Variants in GNL3L observed in about 807,000 individuals in gnomAD.
GNL3L encodes guanine nucleotide-binding protein-like 3-like protein.
GNL3L carries 4 observed loss-of-function variants against 42.9 expected under a neutral mutation model. That is an observed-to-expected ratio of 0.09 (90% confidence interval 0.05 to 0.21). The LOEUF is 0.21. Ranked by LOEUF, GNL3L falls within the 10% of genes least tolerant of loss-of-function variation. The probability of loss-of-function intolerance (pLI) is 1.00; values close to 1 mark genes in which losing one functional copy is unlikely to be tolerated. For missense variants in GNL3L, 412 were observed against 481.7 expected (o/e 0.86, Z 1.36); for synonymous variants, 159 against 176.3 (o/e 0.90, Z 0.78).
intron 3 of GNL3L, among the ~76,000 whole-genome samples, chrX:54,539,797 G>A (rs1240977130): frequency 9.0e-6 from 1 of 111,482 alleles, no homozygotes; most frequent in Admixed American, 9.6e-5. Flanking sequence ...TGGGCCTTGG[G>A]AAACCTTCCC....
intron 16 of GNL3L, among the ~76,000 whole-genome samples, chrX:54,604,081 G>A (rs1926031135): frequency 9.0e-6 from 1 of 111,240 alleles, no homozygotes; most frequent in Non-Finnish European, 1.9e-5. Flanking sequence ...GAGGCTACAA[G>A]TGAGCTGTGA....
intron 12 of GNL3L, 62 bp downstream of exon 12, chrX:54,552,036 C>T: frequency 3.5e-6 from 4 of 1,127,370 alleles, no homozygotes; most frequent in African/African-American, 3.6e-5. Context: ...CAAAGGGGCT[C>T]ATCTGTGCTC....
In GNL3L at chrX:54,542,971, A is replaced by C; in HGVS notation, c.323A>C (p.Glu108Ala). 5.1e-6 allele frequency: 6 copies of C among 1,185,912 alleles called. No homozygotes were observed. Among genetic ancestry groups the C allele is most frequent in the Non-Finnish European group, 6.9e-6 (6 of 872,612 alleles). ...CTCCTTTAGGAGGAAGTTTTGCAGG[A>C]ATTAAATATGTTTCCTCAGCTGGAT... ...EFEHKEEVLQ[E>A]LNMFPQLDDE... Residue 108 changes from glutamate to alanine, a missense_variant, in exon 6 of 16, where the codon GAA becomes GCA. Physicochemically the swap from Glu to Ala is moderately radical, Grantham distance 107 (BLOSUM62 -1). Transcript: ENST00000360845.
At chrX:54,611,840 T>A (rs1197278435) in intron 16 of GNL3L, among the ~76,000 whole-genome samples, 1 of 112,174 alleles carries the variant, frequency 8.9e-6, no homozygotes, top group Non-Finnish European at 1.9e-5. Flanking sequence ...TTATGGCCTA[T>A]CGTATGGTCT....
chrX:54,532,772 C>T (rs768321591), intron 2 of GNL3L, among the ~76,000 whole-genome samples, 187 bp downstream of exon 2: 1 of 111,630 alleles, frequency 9.0e-6, no homozygotes, highest in African/African-American at 3.3e-5. Context: ...GCATTTCCTG[C>T]CTCAGCCTAC....
chrX:54,551,462 TG>T, intron 10 of GNL3L, 105 bp from the exon 11 acceptor site: 1 of 637,007 alleles, frequency 1.6e-6, no homozygotes, highest in Non-Finnish European at 2.5e-6. Flanking sequence ...TCGTCTCTAA[TG>T]CACCCTCCCC....
chrX:54,602,618 A>G lies in GNL3L; in HGVS notation c.*46-18227A>G, dbSNP rs192763942. On this transcript the variant is annotated intron_variant, in intron 16 of 16. Transcript: ENST00000674498. The stretch of plus-strand genomic sequence containing the variant: ...GGGATGTCACTCCCACCATTAGGTT[A>G]TATTACATAAAACTCTTGTCTTGCT... 3.4e-3 allele frequency among the ~76,000 whole-genome samples: 375 copies of G among 111,677 alleles called. 2 individuals carry two copies. Among genetic ancestry groups the G allele is most frequent in the African/African-American group, 0.011 (348 of 30,746 alleles).
intron 16 of GNL3L, among the ~76,000 whole-genome samples, chrX:54,603,274 C>G (rs1187764268): frequency 3.6e-5 from 4 of 111,078 alleles, no homozygotes; most frequent in African/African-American, 9.8e-5. Flanking sequence ...AATAACCAAT[C>G]AATCAATGGA....
intron 16 of GNL3L, among the ~76,000 whole-genome samples, chrX:54,577,501 T>A (rs1925652761): frequency 9.0e-6 from 1 of 111,684 alleles, no homozygotes; most frequent in Admixed American, 9.6e-5. Context: ...GTCATCATGC[T>A]GTACCATAGG....
exon 17 of GNL3L, among the ~76,000 whole-genome samples, chrX:54,621,321 G>A (rs1260270297): frequency 8.9e-6 from 1 of 112,001 alleles, no homozygotes; most frequent in East Asian, 2.8e-4. Context: ...ATGCTGTAGA[G>A]ACCAAATGTA....
At chrX:54,596,358 C>A (rs1925930722) in intron 16 of GNL3L, among the ~76,000 whole-genome samples, 1 of 111,859 alleles carries the variant, frequency 8.9e-6, no homozygotes, top group Non-Finnish European at 1.9e-5. Context: ...CTGAGGAATT[C>A]TCTGGATTAG....
intron 16 of GNL3L, among the ~76,000 whole-genome samples, chrX:54,606,864 C>T (rs991060930): frequency 1.8e-5 from 2 of 109,641 alleles, no homozygotes; most frequent in Admixed American, 9.8e-5. Context: ...TGGTCTTGAA[C>T]TCCTGGCCTT....
chrX:54,613,387 C>T (rs1046885482), intron 16 of GNL3L, among the ~76,000 whole-genome samples: 1 of 111,373 alleles, frequency 9.0e-6, no homozygotes, highest in African/African-American at 3.3e-5. Context: ...TTTCTCTGGT[C>T]CCTCCTTGAT....
At chrX:54,557,183 A>G (rs1181900869) in intron 14 of GNL3L, among the ~76,000 whole-genome samples, 1 of 106,931 alleles carries the variant, frequency 9.4e-6, no homozygotes, top group African/African-American at 3.4e-5. Flanking sequence ...CTCCATCTCA[A>G]AAAAAAAAAG....
chrX:54,571,318 C>T (rs1193909097), downstream of GNL3L, among the ~76,000 whole-genome samples: 3 of 107,481 alleles, frequency 2.8e-5, no homozygotes, highest in East Asian at 2.9e-4. Context: ...CTCAGCCTCC[C>T]GAGTAGTTGG....
Position 54,562,960 on chromosome X carries a change from A to G in GNL3L, c.*2358A>G, listed in dbSNP as rs1925315494. On this transcript the variant is annotated 3_prime_UTR_variant, in exon 16 of 16. Coordinates refer to ENST00000360845, the MANE Select transcript of GNL3L (RefSeq NM_001184819.2). ...ATTGATTAAGCCCCTACTTTGTGCC[A>G]GTCTCTGTTATCAAGTCCGTTAAAT... Among the ~76,000 whole-genome samples, 1 of 111,274 alleles carries G rather than the reference A, an allele frequency of 9.0e-6. No individual in the cohort carries two copies. Among genetic ancestry groups the G allele is most frequent in the Non-Finnish European group, 1.9e-5 (1 of 53,101 alleles).
At position 54,558,592 on chromosome X, in the gene GNL3L, C is replaced by A. The variant is rs1925169259; in HGVS notation, c.1603C>A (p.Leu535Met). The A allele has an allele frequency of 1.7e-6, 2 of 1,210,989 alleles. No homozygotes were observed. The highest frequency in any genetic ancestry group is 5.9e-5 in the East Asian group (2 of 33,833). The stretch of plus-strand genomic sequence containing the variant: ...GCAGAGGATCATGGAGACGGACCCC[C>A]TGCAACAGGGCCAGGCTCTGGCATC... ...VLQRIMETDP[L>M]QQGQALASAL... Residue 535 changes from leucine to methionine, a missense_variant, in exon 15 of 16, where the codon CTG (leucine) becomes ATG (methionine). Physicochemically the swap from Leu to Met is conservative, Grantham distance 15. Transcript: ENST00000360845.
chrX:54,630,702 CTTTCTTTTT>C, the GNL3L span, among the ~76,000 whole-genome samples: 9 of 14,080 alleles, frequency 6.4e-4, no homozygotes, highest in South Asian at 0.01. Flanking sequence ...TCCTTCCTTT[CTTTCTTTTT>C]CTTTCTTTCT....
rs1925441321 is a variant in GNL3L at position 54,566,819 on chromosome X, G to C, written c.*6217G>C. 8.9e-6 allele frequency among the ~76,000 whole-genome samples: 1 copy of C among 111,893 alleles called. No individual in the cohort carries two copies. Among genetic ancestry groups the C allele is most frequent in the African/African-American group, 3.2e-5 (1 of 30,792 alleles). ...GAGACAGGATCTCACTGTCACCCAG[G>C]CTGGGGTGCAGTGGTGTGCTCATAG... On this transcript the variant is annotated 3_prime_UTR_variant, in exon 16 of 16. Coordinates refer to ENST00000360845, the MANE Select transcript of GNL3L (RefSeq NM_001184819.2).
Sources: allele counts gnomAD v4.1 joint callset (sites outside exome capture counted in the v4.1 genomes callset), GRCh38; gene constraint gnomAD v4.1.1; transcripts MANE v1.5; gene names NCBI Gene and HGNC (gene_info 2026-07-23, HGNC 2026-07-21).